MRRF: variants seen among roughly 807,000 people sequenced by gnomAD.
The protein encoded by MRRF is mitochondrial ribosome recycling factor.
Under a neutral mutation model 25.1 loss-of-function variants are expected in MRRF, and 18 were observed. The observed-to-expected ratio is 0.72, with a 90% CI of 0.50 to 1.06. MRRF has a LOEUF of 1.06. MRRF is among the 50% of genes least tolerant of loss of function. The pLI is 0.00. For missense variants in MRRF, 323 were observed against 319.3 expected (o/e 1.01, Z -0.09); for synonymous variants, 113 against 112.1 (o/e 1.01, Z -0.05).
chr9:122,315,832 C>T (rs1405823258), intron 6 of MRRF, among the ~76,000 whole-genome samples: 2 of 152,110 alleles, frequency 1.3e-5, no homozygotes, highest in African/African-American at 2.4e-5. Context: ...GACCAGAGCC[C>T]ACAACTCCTG....
intron 4 of MRRF, among the ~76,000 whole-genome samples, chr9:122,287,334 T>C (rs908410648): frequency 6.6e-6 from 1 of 152,212 alleles, no homozygotes; most frequent in Non-Finnish European, 1.5e-5. Context: ...CTTGAATGGA[T>C]GAATACCTGT....
At chr9:122,294,563 T>C (rs1833968698) in intron 5 of MRRF, among the ~76,000 whole-genome samples, 1 of 152,224 alleles carries the variant, frequency 6.6e-6, no homozygotes, top group South Asian at 2.1e-4. Context: ...TGAGGCCCCT[T>C]ACTGAATTAT....
chr9:122,287,707 C>G (rs1042968338), intron 4 of MRRF, among the ~76,000 whole-genome samples: 7 of 152,180 alleles, frequency 4.6e-5, no homozygotes, highest in Admixed American at 2.0e-4. Context: ...CATTTTTCAA[C>G]TCAGACATCT....
chr9:122,330,459 C>G lies in MRRF; in HGVS notation c.*7842C>G, dbSNP rs1202095194. The G allele has an allele frequency of 6.6e-6, 1 of 152,282 alleles. No individual in the cohort carries two copies. The highest frequency in any genetic ancestry group is 1.5e-5 in the Non-Finnish European group (1 of 68,094). 9.4% of individuals were successfully genotyped at this position (152,282 alleles called of 1,614,324 possible). A position where few individuals can be genotyped will look rare whatever the true frequency, so the allele number is the denominator to read the frequency against. The stretch of plus-strand genomic sequence containing the variant: ...TATTCTCTTCCTTTCCTGGCTCAGG[C>G]CTTGATCCAAATAGCTCCCTTCTTC... On this transcript the variant is annotated 3_prime_UTR_variant, in exon 7 of 7. Coordinates refer to ENST00000344641, the MANE Select transcript of MRRF (RefSeq NM_138777.5). The surrounding 1 kb of genome is among the most constrained non-coding windows in gnomAD (Gnocchi z 4.2).
chr9:122,295,321 G>A (rs921910068), intron 5 of MRRF, among the ~76,000 whole-genome samples: 1 of 152,166 alleles, frequency 6.6e-6, no homozygotes, highest in Non-Finnish European at 1.5e-5. Flanking sequence ...GAGAGGTGAG[G>A]CATTGGTTCT....
At chr9:122,305,003 C>T (rs1285520186) in intron 5 of MRRF, among the ~76,000 whole-genome samples, 1 of 151,920 alleles carries the variant, frequency 6.6e-6, no homozygotes, top group Non-Finnish European at 1.5e-5. Flanking sequence ...GGTGCAGTGG[C>T]ATGATCATAG....
chr9:122,269,309 G>A (rs1587998440), intron 1 of MRRF, among the ~76,000 whole-genome samples: 1 of 152,090 alleles, frequency 6.6e-6, no homozygotes, highest in South Asian at 2.1e-4. Flanking sequence ...GGAAAGTGAT[G>A]CTCAGAAAAG....
chr9:122,275,916 T>C (rs1234774316), intron 2 of MRRF, among the ~76,000 whole-genome samples: 2 of 150,902 alleles, frequency 1.3e-5, no homozygotes, highest in Non-Finnish European at 3.0e-5. Flanking sequence ...TTATTTCTTA[T>C]TGTTTTTTTG....
In MRRF at chr9:122,327,200, A is replaced by G. The variant is rs1588101377; in HGVS notation, c.*4583A>G. On this transcript the variant is annotated 3_prime_UTR_variant, in exon 7 of 7. Coordinates refer to ENST00000344641, the MANE Select transcript of MRRF (RefSeq NM_138777.5). ...ATATTAATCCCCCACCTGTTTGGCC[A>G]ACTTCTCTAGAATATGTCAGAGAGC... 1 of 152,208 alleles carries G rather than the reference A, an allele frequency of 6.6e-6. No individual in the cohort carries two copies. Among genetic ancestry groups the G allele is most frequent in the African/African-American group, 2.4e-5 (1 of 41,438 alleles). 9.4% of individuals were successfully genotyped at this position (152,208 alleles called of 1,614,324 possible).
intron 3 of MRRF, among the ~76,000 whole-genome samples, chr9:122,284,719 T>C (rs1215737228): frequency 6.6e-6 from 1 of 152,244 alleles, no homozygotes; most frequent in Non-Finnish European, 1.5e-5. Context: ...GATACTGCTG[T>C]TCCTGTGAAA....
At chr9:122,268,462 C>T (rs924152281) in intron 1 of MRRF, among the ~76,000 whole-genome samples, 3 of 152,192 alleles carry the variant, frequency 2.0e-5, no homozygotes, top group African/African-American at 7.2e-5. Flanking sequence ...ATGAGTTAGG[C>T]ATTGGTTTTA....
At chr9:122,280,732 C>T (rs1384044965) in intron 3 of MRRF, 134 bp downstream of exon 3, 45 of 766,788 alleles carry the variant, frequency 5.9e-5, no homozygotes, top group East Asian at 2.7e-5. Flanking sequence ...TTCTGGTCCT[C>T]GGTTTTCTTG....
At chr9:122,279,951 C>T (rs1247895509) in intron 2 of MRRF, among the ~76,000 whole-genome samples, 2 of 152,182 alleles carry the variant, frequency 1.3e-5, no homozygotes, top group Non-Finnish European at 1.5e-5. Context: ...CTTGACTTTT[C>T]CATTTCCTGA....
At chr9:122,273,948 G>A (rs1407125484) in intron 2 of MRRF, among the ~76,000 whole-genome samples, 1 of 152,052 alleles carries the variant, frequency 6.6e-6, no homozygotes, top group Non-Finnish European at 1.5e-5. Flanking sequence ...AGACATTTGG[G>A]TTGTTTCCAG....
At chr9:122,298,781 A>G (rs1430029306) in intron 5 of MRRF, among the ~76,000 whole-genome samples, 5 of 152,138 alleles carry the variant, frequency 3.3e-5, no homozygotes, top group Non-Finnish European at 5.9e-5. Context: ...TTAACAACAC[A>G]CACATATAGT....
At chr9:122,273,067 C>T (rs1461607059) in intron 2 of MRRF, among the ~76,000 whole-genome samples, 1 of 152,166 alleles carries the variant, frequency 6.6e-6, no homozygotes, top group African/African-American at 2.4e-5. Flanking sequence ...CAGATCTTTC[C>T]CCTCACCACA....
rs1836212764 is a variant in MRRF, at chr9:122,328,886, C to T, written c.*6269C>T. The T allele has an allele frequency of 6.6e-6, 1 of 151,490 alleles. No individual in the cohort carries two copies. The highest frequency in any genetic ancestry group is 1.5e-5 in the Non-Finnish European group (1 of 67,878). 9.4% of individuals were successfully genotyped at this position (151,490 alleles called of 1,614,324 possible). ...TTTTTAATAAGAGATGAGGGGTCTC[C>T]CTATGTTGCCCAGGCTGGACTTGAA... is the stretch of plus-strand genomic sequence containing the variant. On this transcript the variant is annotated 3_prime_UTR_variant, in exon 7 of 7. Coordinates refer to ENST00000344641, the MANE Select transcript of MRRF (RefSeq NM_138777.5).
chr9:122,280,678 C>G, intron 3 of MRRF, 80 bp downstream of exon 3: 3 of 1,430,024 alleles, frequency 2.1e-6, no homozygotes, highest in Non-Finnish European at 2.9e-6. Context: ...TTAGTCCCAG[C>G]TTTGCCATTT....
rs35172657 is a variant in MRRF at position 122,325,983 on chromosome 9, C to CT, written c.*3378dup. On this transcript the variant is annotated 3_prime_UTR_variant, in exon 7 of 7. Coordinates refer to ENST00000344641, the MANE Select transcript of MRRF (RefSeq NM_138777.5). ...TGCAGCTATGCACCACCACACCTGG[C>CT]TTTTTTTTTTTTGCTTTGTTTCCTA... 0.11 allele frequency: 16,011 copies of CT among 140,342 alleles called. 994 individuals carry two copies. The highest frequency in any genetic ancestry group is 0.25 in the East Asian group (1,196 of 4,876). 8.7% of individuals were successfully genotyped at this position (140,342 alleles called of 1,614,324 possible). A position where few individuals can be genotyped will look rare whatever the true frequency, so the allele number is the denominator to read the frequency against.
Sources: gnomAD v4.1 joint callset for allele counts (sites outside exome capture counted in the v4.1 genomes callset) on GRCh38, gnomAD v4.1.1 for gene constraint, Gnocchi (gnomAD v3.1) non-coding constraint, MANE v1.5 for transcripts, NCBI Gene and HGNC (gene_info 2026-07-23, HGNC 2026-07-21) for gene names.